Variants in ZDHHC11 observed in about 807,000 individuals in gnomAD.
ZDHHC11 encodes the protein zDHHC palmitoyltransferase 11.
A neutral mutation model predicts 51.3 loss-of-function variants in ZDHHC11; 44 were observed. That is an observed-to-expected ratio of 0.86 (90% CI 0.67 to 1.10). The LOEUF (loss-of-function observed/expected upper bound fraction) is 1.10. Ranked by LOEUF, ZDHHC11 falls within the 50% of genes least tolerant of loss-of-function variation. The probability of loss-of-function intolerance (pLI) is 0.00; values close to 1 mark genes in which losing one functional copy is unlikely to be tolerated. For synonymous variants in ZDHHC11, 163 were observed against 222.0 expected, an observed-to-expected ratio of 0.73 and a Z score of 2.36; for missense variants, 400 against 537.7, an observed-to-expected ratio of 0.74 and a Z score of 2.53.
At chr5:853,335 A>G (rs1307873546), upstream of ZDHHC11, among the ~76,000 whole-genome samples, 2 of 129,372 alleles carry the variant, frequency 1.5e-5, no homozygotes, top group African/African-American at 5.9e-5. Context: ...CAGACCCCGC[A>G]GAGGACAGCG....
intron 11 of ZDHHC11, among the ~76,000 whole-genome samples, chr5:812,733 G>A (rs1425871113): frequency 3.3e-4 from 50 of 151,480 alleles, no homozygotes; most frequent in African/African-American, 1.1e-3. Context: ...TTGGCACAAA[G>A]GTGCTTCTTG....
rs767936709 is a variant in ZDHHC11, at chr5:825,253, T to C, written c.936-2A>G. The C allele has an allele frequency of 3.1e-6, 5 of 1,612,148 alleles. No individual in the cohort carries two copies. Among genetic ancestry groups the C allele is most frequent in the African/African-American group, 2.7e-5 (2 of 74,916 alleles). On this transcript the variant is annotated splice_acceptor_variant, in intron 7 of 12. Transcript: ENST00000283441. LOFTEE classifies it high-confidence loss of function. The stretch of plus-strand genomic sequence containing the variant: ...AGCAGGGAGCTCTTGGCTTTGACTC[T>C]GGTGGGACAGAAAGGAGGAGAGAAA...
At chr5:828,265 C>T (rs535306984) in intron 7 of ZDHHC11, among the ~76,000 whole-genome samples, 2 of 151,402 alleles carry the variant, frequency 1.3e-5, no homozygotes, top group Non-Finnish European at 3.0e-5. Context: ...ACCTTCCAGA[C>T]GGGGTGGTGG....
chr5:840,051 G>A (rs1320779534), intron 5 of ZDHHC11: 10 of 598,310 alleles, frequency 1.7e-5, no homozygotes, highest in Non-Finnish European at 2.4e-5. Context: ...ACCAGCTCTC[G>A]CTTCAGTTGT....
chr5:821,936 T>A, intron 8 of ZDHHC11, 41 bp from the exon 9 acceptor site: 1 of 1,559,190 alleles, frequency 6.4e-7, no homozygotes, highest in Non-Finnish European at 8.8e-7. Context: ...TGAATTGACA[T>A]TGAACTTATT....
rs535491674 is a variant in ZDHHC11 at position 841,500 on chromosome 5, C to A, written c.629-850G>T. The A allele has an allele frequency of 5.3e-4, 526 of 989,346 alleles. 11 individuals carry two copies. The highest frequency in any genetic ancestry group is 5.1e-3 in the Admixed American group (84 of 16,366). 61.3% of individuals were successfully genotyped at this position (989,346 alleles called of 1,614,324 possible). A position where few individuals can be genotyped will look rare whatever the true frequency, so the allele number is the denominator to read the frequency against. On this transcript the variant is annotated intron_variant, in intron 4 of 12. Transcript: ENST00000283441. Reference sequence around the variant, plus strand: ...TAAGTGCCAGGGTCACAGCACCCATCCCTTCCTTATTTAGTGCCAGGGTCA... The same window carrying A: ...TAAGTGCCAGGGTCACAGCACCCATACCTTCCTTATTTAGTGCCAGGGTCA...
chr5:834,914 T>C (rs1264999143), intron 6 of ZDHHC11, among the ~76,000 whole-genome samples: 1 of 149,454 alleles, frequency 6.7e-6, no homozygotes, highest in Admixed American at 6.6e-5. Context: ...TACTGACATG[T>C]TTACTTTATT....
chr5:841,840 G>C (rs1232168780), intron 4 of ZDHHC11: 1 of 992,748 alleles, frequency 1.0e-6, no homozygotes, highest in Non-Finnish European at 1.2e-6. Flanking sequence ...GATGGATTCA[G>C]CATGGATGTC....
chr5:837,521 T>C, intron 5 of ZDHHC11, 41 bp from the exon 6 acceptor site: 1 of 1,597,258 alleles, frequency 6.3e-7, no homozygotes, highest in African/African-American at 1.3e-5. Context: ...ATACCAGCCC[T>C]GCGGCTTTGC....
At chr5:856,103 G>A (rs984558757) in intron 1 of ZDHHC11, among the ~76,000 whole-genome samples, 2 of 152,028 alleles carry the variant, frequency 1.3e-5, no homozygotes, top group African/African-American at 2.4e-5. Flanking sequence ...GCTCAGCCTC[G>A]ATACCACCGT....
Position 850,469 on chromosome 5 carries a change from G to C in ZDHHC11, c.134C>G (p.Thr45Ser), listed in dbSNP as rs1430845527. ...GGAAAGGCCCACGAAGACAGCCCAG[G>C]TCACCACCTGGAAGTAGTGCAGGGG... ...SLPLHYFQVV[T>S]WAVFVGLSSA... The change falls in exon 1 of 13, where the codon ACC becomes AGC. Residue 45 changes from threonine to serine, a missense_variant. Thr to Ser is a moderately conservative substitution (Grantham distance 58). This residue lies in a region of ZDHHC11 where 119 missense variants were observed against 99.6 expected (regional missense o/e 1.20). Transcript: ENST00000283441. The C allele has an allele frequency of 6.2e-7, 1 of 1,613,554 alleles. No individual in the cohort carries two copies. Among genetic ancestry groups the C allele is most frequent in the Non-Finnish European group, 8.5e-7 (1 of 1,180,038 alleles).
chr5:847,357 G>C (rs868070421), intron 3 of ZDHHC11, among the ~76,000 whole-genome samples, 157 bp downstream of exon 3: 1 of 151,690 alleles, frequency 6.6e-6, no homozygotes, highest in Non-Finnish European at 1.5e-5. Flanking sequence ...ACAGGAGGCC[G>C]GGGCACGCAG....
At chr5:853,285 G>A (rs1560865105), upstream of ZDHHC11, among the ~76,000 whole-genome samples, 1 of 148,148 alleles carries the variant, frequency 6.8e-6, no homozygotes, top group East Asian at 2.1e-4. Flanking sequence ...AGGACAGTGA[G>A]CAGCAGGGAT....
At chr5:805,790 A>T (rs578161542) in intron 11 of ZDHHC11, among the ~76,000 whole-genome samples, 1 of 151,390 alleles carries the variant, frequency 6.6e-6, no homozygotes, top group South Asian at 2.1e-4. Flanking sequence ...GTGCCTGTGG[A>T]CAAAGATGCT....
At chr5:801,619 T>G (rs1398956859) in intron 11 of ZDHHC11, among the ~76,000 whole-genome samples, 1 of 151,356 alleles carries the variant, frequency 6.6e-6, no homozygotes, top group Non-Finnish European at 1.5e-5. Flanking sequence ...TTTTGTTCTC[T>G]GCCCTGATGT....
intron 7 of ZDHHC11, among the ~76,000 whole-genome samples, chr5:826,000 CCT>C (rs1214098191): frequency 5.0e-5 from 7 of 138,852 alleles, no homozygotes; most frequent in African/African-American, 1.3e-4. Flanking sequence ...ACTTCGGTCC[CCT>C]GTCACCTCCA....
chr5:819,595 G>A lies in ZDHHC11; in HGVS notation c.1076C>T (p.Ser359Phe), dbSNP rs751833909. 3 of 1,609,648 alleles carry A rather than the reference G, an allele frequency of 1.9e-6. No individual in the cohort carries two copies. The highest frequency in any genetic ancestry group is 1.1e-5 in the South Asian group (1 of 90,936). The change falls in exon 10 of 13, where the codon TCC becomes TTC. Residue 359 changes from serine (S) to phenylalanine (F), a missense_variant. Around this residue, in one of 5 missense-constraint regions of ZDHHC11, gnomAD observed 231 missense variants for 227.4 expected, o/e 1.02. Coordinates refer to ENST00000283441, the MANE Select transcript of ZDHHC11 (RefSeq NM_024786.3). ...ACACAGGCGCCTGCAAATCAGCCGG[G>A]AGTTCCTGGCCTTGGCTCTGGTGGG... is the stretch of plus-strand genomic sequence containing the variant. Reference protein sequence around the residue: ...PSALGAKARNSRLICRRLCQF... With the variant: ...PSALGAKARNFRLICRRLCQF...
At chr5:857,493 C>T (rs1748417762) in intron 1 of ZDHHC11, among the ~76,000 whole-genome samples, 1 of 152,190 alleles carries the variant, frequency 6.6e-6, no homozygotes, top group African/African-American at 2.4e-5. Flanking sequence ...CCCCCAGAGT[C>T]TGTCCCGGTC....
chr5:804,148 C>A (rs1270335639), intron 11 of ZDHHC11, among the ~76,000 whole-genome samples: 1 of 151,196 alleles, frequency 6.6e-6, no homozygotes, highest in Non-Finnish European at 1.5e-5. Flanking sequence ...TAACCACAGT[C>A]CAATAATATT....
Sources: gnomAD v4.1 joint callset for allele counts (sites outside exome capture counted in the v4.1 genomes callset) on GRCh38, gnomAD v4.1.1 for gene constraint, gnomAD v4.1.1 regional missense constraint, MANE v1.5 for transcripts, NCBI Gene and HGNC (gene_info 2026-07-23, HGNC 2026-07-21) for gene names.